Variants in MCRS1 observed in about 807,000 individuals in gnomAD.
The protein encoded by MCRS1 is 58 kDa microspherule protein.
Under a neutral mutation model 62.9 loss-of-function variants are expected in MCRS1, and 22 were observed. The observed-to-expected ratio is 0.35, with a 90% CI of 0.25 to 0.50. MCRS1 has a LOEUF of 0.50. MCRS1 is among the 20% of genes least tolerant of loss of function. The pLI is 0.98. For missense variants in MCRS1, 456 were observed against 601.1 expected (o/e 0.76, Z 2.52); for synonymous variants, 244 against 233.5 (o/e 1.04, Z -0.41).
Position 49,564,482 on chromosome 12 carries a change from T to C in MCRS1, c.556A>G (p.Lys186Glu), listed in dbSNP as rs1422323442. 6.2e-7 allele frequency: 1 copy of C among 1,610,650 alleles called. No homozygotes were observed. The highest frequency in any genetic ancestry group is 8.5e-7 in the Non-Finnish European group (1 of 1,177,758). The change falls in exon 6 of 15, where the codon AAG (lysine) becomes GAG (glutamate). Residue 186 changes from lysine (K) to glutamate (E), a missense_variant and splice_region_variant. By Grantham distance (56) the Lys-to-Glu change is moderately conservative. Coordinates refer to ENST00000343810, the MANE Select transcript of MCRS1 (RefSeq NM_006337.5). ...CTGCTGGAACCAGCTCCCACTCACT[T>C]GGAGATGACAGGATCGTAGAGCAGG... ...YALLYDPVIS[K>E]LACQAMRQLH...
At chr12:49,558,998 G>T in intron 13 of MCRS1, 28 bp from the exon 14 acceptor site, 1 of 1,600,432 alleles carries the variant, frequency 6.2e-7, no homozygotes. Flanking sequence ...AAGAAGGGAT[G>T]ATGGGATGGG....
rs1938967417 is a variant in MCRS1 at position 49,564,830 on chromosome 12, A to G, written c.354T>C (p.Arg118=). Reference sequence around the variant, plus strand: ...GAAGTGGCTGTTTACTCTTCTTCACACGCTTGGTGAGTCCAGGGGCTGGGG... The same window carrying G: ...GAAGTGGCTGTTTACTCTTCTTCACGCGCTTGGTGAGTCCAGGGGCTGGGG... ...SPAPAPGLTK[R]VKKSKQPLQV... is the part of the protein sequence containing the mutation. The change falls in exon 5 of 15, where the codon CGT becomes CGC. Residue 118 remains arginine, a synonymous_variant. Transcript: ENST00000343810. 6 of 1,614,000 alleles carry G rather than the reference A, an allele frequency of 3.7e-6. No homozygotes were observed. Among genetic ancestry groups the G allele is most frequent in the Non-Finnish European group, 4.2e-6 (5 of 1,179,922 alleles).
At chr12:49,566,884 C>A in intron 1 of MCRS1, 43 bp from the exon 2 acceptor site, 1 of 1,029,578 alleles carries the variant, frequency 9.7e-7, no homozygotes. Context: ...AGATTTCCAA[C>A]TGGCCAGCCT....
At chr12:49,565,103 A>C in intron 4 of MCRS1, 1 of 985,412 alleles carries the variant, frequency 1.0e-6, no homozygotes, top group Non-Finnish European at 1.2e-6. Flanking sequence ...ATAGTCCTTG[A>C]CCATACGGGG....
At chr12:49,563,604 G>T in intron 6 of MCRS1, 58 bp from the exon 7 acceptor site, 2 of 1,331,280 alleles carry the variant, frequency 1.5e-6, no homozygotes, top group East Asian at 2.4e-5. Flanking sequence ...GCAATCTGGG[G>T]TTCCTACTAT....
At chr12:49,561,869 C>T (rs778860700) in intron 8 of MCRS1, among the ~76,000 whole-genome samples, 74 of 152,316 alleles carry the variant, frequency 4.9e-4, no homozygotes, top group Non-Finnish European at 9.3e-4. Context: ...CTTCGTGCCT[C>T]GGCCTCCCAA....
At chr12:49,560,402 A>G in intron 8 of MCRS1, 32 bp from the exon 9 acceptor site, 1 of 1,606,016 alleles carries the variant, frequency 6.2e-7, no homozygotes, top group African/African-American at 1.3e-5. Context: ...CGTGAGCACC[A>G]AGGGTCTTGC....
intron 9 of MCRS1, 126 bp downstream of exon 9, chr12:49,560,169 G>A: frequency 8.2e-7 from 1 of 1,225,408 alleles, no homozygotes. Context: ...GGAGGGGAGG[G>A]GGCTCAGCCA....
intron 6 of MCRS1, among the ~76,000 whole-genome samples, chr12:49,564,158 C>T (rs1367623378): frequency 6.6e-6 from 1 of 152,154 alleles, no homozygotes; most frequent in Non-Finnish European, 1.5e-5. Flanking sequence ...GGAGGTGACC[C>T]GCCCAAAGCC....
intron 2 of MCRS1, 168 bp downstream of exon 2, chr12:49,566,554 A>G: frequency 6.8e-7 from 1 of 1,479,636 alleles, no homozygotes; most frequent in Non-Finnish European, 9.2e-7. Flanking sequence ...GCAGCTCAAC[A>G]GCAAGTCAGT....
intron 1 of MCRS1, among the ~76,000 whole-genome samples, chr12:49,567,312 TG>T (rs898009609): frequency 1.3e-5 from 2 of 152,100 alleles, no homozygotes; most frequent in Non-Finnish European, 2.9e-5. Context: ...CTTTTCCATT[TG>T]GGGTTTTTAC....
In MCRS1 at chr12:49,566,115, C is replaced by G. The variant is rs199891294; in HGVS notation, c.111G>C (p.Gln37His). Residue 37 changes from glutamine to histidine, a missense_variant, in exon 3 of 15, where the codon CAG becomes CAC. By Grantham distance (24) the Gln-to-His change is conservative (BLOSUM62 0). Around this residue, in one of 3 missense-constraint regions of MCRS1, gnomAD observed 55 missense variants for 49.3 expected, o/e 1.12. Transcript: ENST00000343810. The part of the protein sequence containing the change: ...SLAGQKRASS[Q>H]ALGTIPKRRS... ...TCCGTTTAGGGATGGTGCCCAAGGC[C>G]TGGGAGGAGGCTCGCTTCTGCCCTG... The G allele has an allele frequency of 6.2e-7, 1 of 1,614,108 alleles. No individual in the cohort carries two copies. Among genetic ancestry groups the G allele is most frequent in the Non-Finnish European group, 8.5e-7 (1 of 1,180,036 alleles).
intron 8 of MCRS1, among the ~76,000 whole-genome samples, chr12:49,560,804 T>C (rs895470593): frequency 7.9e-5 from 12 of 152,158 alleles, no homozygotes; most frequent in Non-Finnish European, 1.3e-4. Context: ...CATCACATCA[T>C]ATGCTCTCCA....
rs140487822 is a variant in MCRS1 at position 49,563,516 on chromosome 12, G to A, written c.588C>T (p.His196=). 54 of 1,611,434 alleles carry A rather than the reference G, an allele frequency of 3.4e-5. No homozygotes were observed. Among genetic ancestry groups the A allele is most frequent in the Non-Finnish European group, 4.5e-5 (53 of 1,179,282 alleles). Residue 196 remains histidine (H), a synonymous_variant, in exon 7 of 15, where the codon CAC becomes CAT. Transcript: ENST00000343810. ...KLACQAMRQL[H]PEAIAAIQSK... is the part of the protein sequence containing the mutation. ...TCTGGATGGCTGCAATAGCCTCTGGGTGCAGCTGCCTCATGGCCTGACAGG... is the reference window on the plus strand; with the variant it reads ...TCTGGATGGCTGCAATAGCCTCTGGATGCAGCTGCCTCATGGCCTGACAGG...
chr12:49,566,828 G>C lies in MCRS1; in HGVS notation c.-97C>G. 2 of 1,493,710 alleles carry C rather than the reference G, an allele frequency of 1.3e-6. No homozygotes were observed. The highest frequency in any genetic ancestry group is 1.8e-6 in the Non-Finnish European group (2 of 1,090,936). 92.5% of individuals were successfully genotyped at this position (1,493,710 alleles called of 1,614,324 possible). A position where few individuals can be genotyped will look rare whatever the true frequency, so the allele number is the denominator to read the frequency against. Reference sequence around the variant, plus strand: ...GGATTCTGACCAGGTGAGCTTAAAGGCTGAGAGGAGATTCTGCAAAGGAGA... The same window carrying C: ...GGATTCTGACCAGGTGAGCTTAAAGCCTGAGAGGAGATTCTGCAAAGGAGA... On this transcript the variant is annotated 5_prime_UTR_variant, in exon 2 of 15. Transcript: ENST00000343810.
chr12:49,559,643 G>T lies in MCRS1; in HGVS notation c.1003+86C>A. ...AGGGGGTCGGGGCCTGGGAAACGAGGGTCTCCCCAGCCAGGCAGCAACAGG... is the reference window on the plus strand; with the variant it reads ...AGGGGGTCGGGGCCTGGGAAACGAGTGTCTCCCCAGCCAGGCAGCAACAGG... On this transcript the variant is annotated intron_variant, in intron 11 of 14. Transcript: ENST00000343810. The surrounding 1 kb of genome is among the most constrained non-coding windows in gnomAD (Gnocchi z 5.2). The T allele has an allele frequency of 1.3e-6, 2 of 1,585,852 alleles. No individual in the cohort carries two copies. The highest frequency in any genetic ancestry group is 1.3e-5 in the African/African-American group (1 of 74,414).
rs1041376550 is a variant in MCRS1 at position 49,566,834 on chromosome 12, AG to A, written c.-104del. 2.7e-6 allele frequency: 4 copies of A among 1,477,692 alleles called. No individual in the cohort carries two copies. The African/African-American group carries it at 5.6e-5, about 21-fold the overall frequency. The allele number at this position is 1,477,692 out of a possible 1,614,324, so 91.5% of individuals were successfully genotyped here. A position where few individuals can be genotyped will look rare whatever the true frequency, so the allele number is the denominator to read the frequency against. ...TGACCAGGTGAGCTTAAAGGCTGAG[AG>A]GAGATTCTGCAAAGGAGAAATGAGG... On this transcript the variant is annotated 5_prime_UTR_variant, in exon 2 of 15. It introduces an in-frame stop codon into an upstream open reading frame of the 5' UTR. Transcript: ENST00000343810.
In MCRS1 at chr12:49,565,726, C is replaced by A. The variant is rs1400297290; in HGVS notation, c.150-59G>T. The stretch of plus-strand genomic sequence containing the variant: ...CCCCACCCTGGTACCCATTCACACA[C>A]CCCCAGCCCCCAAAAGAGAGCAGGT... On this transcript the variant is annotated intron_variant, in intron 3 of 14. Transcript: ENST00000343810. 3.7e-6 allele frequency: 6 copies of A among 1,610,222 alleles called. No homozygotes were observed. The Admixed American group carries it at 6.7e-5, about 18-fold the overall frequency.
Sources: gnomAD v4.1 joint callset for allele counts (sites outside exome capture counted in the v4.1 genomes callset) on GRCh38, gnomAD v4.1.1 for gene constraint, gnomAD v4.1.1 regional missense constraint, Gnocchi (gnomAD v3.1) non-coding constraint, MANE v1.5 for transcripts, NCBI Gene and HGNC (gene_info 2026-07-23, HGNC 2026-07-21) for gene names.